Variants in CASR observed in about 807,000 individuals in gnomAD.
The protein encoded by CASR is extracellular calcium-sensing receptor.
CASR carries 23 observed loss-of-function variants against 69.1 expected under a neutral mutation model. The observed-to-expected ratio is 0.33, with a 90% CI of 0.24 to 0.47. CASR has a LOEUF of 0.47. Among genes scored for constraint, CASR ranks in the 20% least tolerant of loss-of-function variants. The pLI is 1.00. For missense variants in CASR, 924 were observed against 1,356.1 expected (o/e 0.68, Z 5.00); for synonymous variants, 541 against 544.7 (o/e 0.99, Z 0.10).
Position 122,285,541 on chromosome 3 carries a change from T to C in CASR, c.*350T>C, listed in dbSNP as rs1026327395. The C allele has an allele frequency of 2.9e-5, 8 of 280,108 alleles. No individual in the cohort carries two copies. Among genetic ancestry groups the C allele is most frequent in the African/African-American group, 1.7e-4 (8 of 46,044 alleles). 17.4% of individuals were successfully genotyped at this position (280,108 alleles called of 1,614,324 possible). On this transcript the variant is annotated 3_prime_UTR_variant, in exon 7 of 7. Transcript: ENST00000639785. The stretch of plus-strand genomic sequence containing the variant: ...AAACTACCCTCCAGAGTGTGCAGAC[T>C]GATGGGACATCAAATTTGCCACCAC...
At chr3:122,259,402 CTTAAT>C (rs946447719) in intron 3 of CASR, among the ~76,000 whole-genome samples, 1 of 152,088 alleles carries the variant, frequency 6.6e-6, no homozygotes, top group Non-Finnish European at 1.5e-5. Flanking sequence ...AAACAAATTA[CTTAAT>C]TTAACCACCT....
chr3:122,254,379 G>C lies in CASR; in HGVS notation c.185+5G>C, dbSNP rs554770681. The C allele has an allele frequency of 7.4e-6, 12 of 1,613,788 alleles. No individual in the cohort carries two copies. The South Asian group carries it at 1.3e-4, about 18-fold the overall frequency. Reference sequence around the variant, plus strand: ...GGAGTCTGTGGAATGTATCAGGTAAGAAGAGGGGCCTAATCTGCCAATCTC... The same window carrying C: ...GGAGTCTGTGGAATGTATCAGGTAACAAGAGGGGCCTAATCTGCCAATCTC... On this transcript the variant is annotated splice_donor_5th_base_variant and intron_variant, in intron 2 of 6. Transcript: ENST00000639785.
chr3:122,277,684 A>G (rs2074838771), intron 5 of CASR, among the ~76,000 whole-genome samples: 1 of 152,224 alleles, frequency 6.6e-6, no homozygotes, highest in East Asian at 1.9e-4. Context: ...TAAATTGATC[A>G]GCTATACTGC....
At chr3:122,228,418 A>G (rs539558751) in intron 1 of CASR, among the ~76,000 whole-genome samples, 2 of 152,340 alleles carry the variant, frequency 1.3e-5, no homozygotes, top group African/African-American at 2.4e-5. Context: ...TTATGAGACT[A>G]TACCATCTTT....
At chr3:122,247,497 A>C (rs538927762) in intron 1 of CASR, 25 of 152,336 alleles carry the variant, frequency 1.6e-4, no homozygotes, top group African/African-American at 5.8e-4. Flanking sequence ...GAACCATTTC[A>C]TTAACTCTGT....
intron 4 of CASR, among the ~76,000 whole-genome samples, chr3:122,275,256 C>T (rs2074803320): frequency 6.6e-6 from 1 of 152,182 alleles, no homozygotes; most frequent in Admixed American, 6.5e-5. Context: ...AAGGATTTGC[C>T]ATGACTCTGA....
chr3:122,224,873 C>G (rs1032500851), intron 1 of CASR, among the ~76,000 whole-genome samples: 6 of 152,062 alleles, frequency 3.9e-5, no homozygotes, highest in African/African-American at 1.4e-4. Context: ...GATAGAGAAC[C>G]TAGACGTAAA....
At chr3:122,195,114 A>T (rs2073876566) in intron 1 of CASR, among the ~76,000 whole-genome samples, 1 of 150,968 alleles carries the variant, frequency 6.6e-6, no homozygotes, top group Admixed American at 6.6e-5. Flanking sequence ...GGGCAGTGTT[A>T]TCAACCCACT....
chr3:122,227,405 G>A (rs1463737446), intron 1 of CASR, among the ~76,000 whole-genome samples: 1 of 152,238 alleles, frequency 6.6e-6, no homozygotes, highest in Non-Finnish European at 1.5e-5. Flanking sequence ...GTCGAGCACA[G>A]CAGCTGCTGG....
In CASR at chr3:122,289,988, G is replaced by A. The variant is rs2074998467; in HGVS notation, c.*4797G>A. ...GGCAGATAACTCAGGAGGCTGAGGT[G>A]GGGGGATCTGCTTGAGCCCAGGAGG... On this transcript the variant is annotated 3_prime_UTR_variant, in exon 7 of 7. Transcript: ENST00000639785. The A allele has an allele frequency of 6.6e-6, 1 of 151,920 alleles. No individual in the cohort carries two copies. Among genetic ancestry groups the A allele is most frequent in the South Asian group, 2.1e-4 (1 of 4,800 alleles). The allele number at this position is 151,920 out of a possible 1,614,324, so 9.4% of individuals were successfully genotyped here.
intron 1 of CASR, among the ~76,000 whole-genome samples, chr3:122,224,714 A>G (rs2074205971): frequency 6.6e-6 from 1 of 152,178 alleles, no homozygotes; most frequent in South Asian, 2.1e-4. Flanking sequence ...CGTAGAACCA[A>G]AAAAGACCCT....
chr3:122,204,438 C>T (rs1036912806), intron 1 of CASR, among the ~76,000 whole-genome samples: 1 of 152,088 alleles, frequency 6.6e-6, no homozygotes, highest in Non-Finnish European at 1.5e-5. Context: ...GAATAATATT[C>T]CATTGCGGAC....
intron 1 of CASR, chr3:122,246,640 G>T (rs2074430356): frequency 6.6e-6 from 1 of 152,216 alleles, no homozygotes; most frequent in South Asian, 2.1e-4. Context: ...AGAGCCGATG[G>T]TTAAATATTC....
intron 5 of CASR, among the ~76,000 whole-genome samples, chr3:122,281,242 A>G (rs528133617): frequency 6.6e-6 from 1 of 152,360 alleles, no homozygotes; most frequent in South Asian, 2.1e-4. Context: ...CTGGTAGTCT[A>G]TGGCATTTTA....
intron 1 of CASR, among the ~76,000 whole-genome samples, chr3:122,221,062 C>T (rs948579262): frequency 1.3e-5 from 2 of 152,208 alleles, no homozygotes; most frequent in African/African-American, 2.4e-5. Context: ...ATGCTAATTT[C>T]TACCCAACAA....
chr3:122,262,184 G>C lies in CASR; in HGVS notation c.1149G>C (p.Arg383Ser), dbSNP rs148573275. Reference sequence around the variant, plus strand: ...GAGGTCACGAAGAAAGTGGCGACAGGTTTAGCAACAGCTCGACAGCCTTCC... The same window carrying C: ...GAGGTCACGAAGAAAGTGGCGACAGCTTTAGCAACAGCTCGACAGCCTTCC... Reference protein sequence around the residue: ...FLRGHEESGDRFSNSSTAFRP... With the variant: ...FLRGHEESGDSFSNSSTAFRP... Residue 383 changes from arginine (R) to serine (S), a missense_variant, in exon 4 of 7, where the codon AGG becomes AGC. By Grantham distance (110) the Arg-to-Ser change is moderately radical. Around this residue, in one of 8 missense-constraint regions of CASR, gnomAD observed 310 missense variants for 395.7 expected, o/e 0.78. Transcript: ENST00000639785. 44 of 1,614,086 alleles carry C rather than the reference G, an allele frequency of 2.7e-5. No homozygotes were observed. Among genetic ancestry groups the C allele is most frequent in the Non-Finnish European group, 3.5e-5 (41 of 1,180,034 alleles).
intron 1 of CASR, among the ~76,000 whole-genome samples, chr3:122,235,508 A>G (rs1041140529): frequency 2.6e-5 from 4 of 152,240 alleles, no homozygotes; most frequent in Non-Finnish European, 4.4e-5. Context: ...CGAAGAATGA[A>G]TTGACATTGA....
At chr3:122,184,335 G>A (rs1576807883) in intron 1 of CASR, 1 of 153,012 alleles carries the variant, frequency 6.5e-6, no homozygotes, top group Non-Finnish European at 1.5e-5. Flanking sequence ...GGGTCTGCGG[G>A]GGCTGCTGTG....
chr3:122,259,628 ATT>A (rs11414721), intron 3 of CASR, among the ~76,000 whole-genome samples: 6 of 122,224 alleles, frequency 4.9e-5, no homozygotes, highest in Admixed American at 9.4e-5. Context: ...CACATTGGAA[ATT>A]TTTTTTTTTT....
Sources: allele counts gnomAD v4.1 joint callset (sites outside exome capture counted in the v4.1 genomes callset), GRCh38; gene constraint gnomAD v4.1.1; regional missense constraint gnomAD v4.1.1; transcripts MANE v1.5; gene names NCBI Gene and HGNC (gene_info 2026-07-23, HGNC 2026-07-21).